Variants in BRAF observed in about 807,000 individuals in gnomAD.
BRAF encodes serine/threonine-protein kinase B-raf.
In BRAF, 16 loss-of-function variants were observed where a neutral mutation model predicts 104.6. The ratio of observed to expected loss-of-function variants is 0.15; its 90% CI spans 0.10 to 0.23. The LOEUF (loss-of-function observed/expected upper bound fraction) is 0.23. Among genes scored for constraint, BRAF ranks in the 10% least tolerant of loss-of-function variants. BRAF has a pLI of 1.00. For missense variants in BRAF, 541 were observed against 937.3 expected (o/e 0.58, Z 5.52); for synonymous variants, 310 against 341.6 (o/e 0.91, Z 1.02).
intron 1 of BRAF, among the ~76,000 whole-genome samples, chr7:140,922,508 G>A (rs1818335018): frequency 6.6e-6 from 1 of 152,180 alleles, no homozygotes; most frequent in South Asian, 2.1e-4. Flanking sequence ...AAGTTCCCAA[G>A]ATAAACAATT....
intron 1 of BRAF, among the ~76,000 whole-genome samples, chr7:140,855,448 CA>C (rs1011032049): frequency 3.3e-5 from 5 of 150,322 alleles, no homozygotes; most frequent in African/African-American, 1.2e-4. Flanking sequence ...ACTCCTTCTC[CA>C]AAAAAAAGAC....
At position 140,723,186 on chromosome 7, in the gene BRAF, G is replaced by A. The variant is rs1795403228; in HGVS notation, c.*3308C>T. 1 of 1,054,424 alleles carries A rather than the reference G, an allele frequency of 9.5e-7. No homozygotes were observed. Among genetic ancestry groups the A allele is most frequent in the Non-Finnish European group, 1.1e-6 (1 of 872,590 alleles). 65.3% of individuals were successfully genotyped at this position (1,054,424 alleles called of 1,614,324 possible). On this transcript the variant is annotated 3_prime_UTR_variant, in exon 20 of 20. Transcript: ENST00000644969. ...GTGGATGTACAGTGGGGACAGGTGA[G>A]ATCTGAGGAGGATGTGCAGCAGCTC...
In BRAF at chr7:140,754,320, C is replaced by T; in HGVS notation, c.1815-87G>A. ...CAGAACATACTTGGGGGTGTAAAGA[C>T]TTATTTAGAATCATGATACAACTGA... On this transcript the variant is annotated intron_variant, in intron 14 of 19. Coordinates refer to ENST00000644969, the MANE Select transcript of BRAF (RefSeq NM_001374258.1). 4 of 1,151,018 alleles carry T rather than the reference C, an allele frequency of 3.5e-6. No homozygotes were observed. The South Asian group carries it at 4.9e-5, about 14-fold the overall frequency. 71.3% of individuals were successfully genotyped at this position (1,151,018 alleles called of 1,614,324 possible). A position where few individuals can be genotyped will look rare whatever the true frequency, so the allele number is the denominator to read the frequency against.
chr7:140,847,615 C>G (rs1808712108), intron 2 of BRAF, among the ~76,000 whole-genome samples: 1 of 151,992 alleles, frequency 6.6e-6, no homozygotes, highest in African/African-American at 2.4e-5. Context: ...AATTGCTATT[C>G]CCCAAGGCCT....
downstream of BRAF, among the ~76,000 whole-genome samples, chr7:140,718,393 G>A (rs1398742664): frequency 6.6e-6 from 1 of 152,238 alleles, no homozygotes; most frequent in African/African-American, 2.4e-5. Flanking sequence ...TGGAATTACA[G>A]GCATGCGCCA....
At chr7:140,800,122 G>C (rs866882846) in intron 7 of BRAF, 16 of 566,850 alleles carry the variant, frequency 2.8e-5, no homozygotes, top group African/African-American at 5.6e-5. Flanking sequence ...CTGAAGAGCA[G>C]AAGTCAAATC....
At chr7:140,716,482 C>T (rs1251723166), downstream of BRAF, among the ~76,000 whole-genome samples, 1 of 152,154 alleles carries the variant, frequency 6.6e-6, no homozygotes, top group Non-Finnish European at 1.5e-5. Context: ...CCCTGGGATC[C>T]CAGTTTGATT....
intron 1 of BRAF, among the ~76,000 whole-genome samples, chr7:140,900,531 A>T (rs1815483221): frequency 6.6e-6 from 1 of 152,244 alleles, no homozygotes. Flanking sequence ...ACCCATATGT[A>T]AGAATATAAA....
In BRAF at chr7:140,746,738, A is replaced by C. The variant is rs558630010; in HGVS notation, c.2112+2549T>G. Among the ~76,000 whole-genome samples the C allele has an allele frequency of 2.0e-5, 3 of 152,008 alleles. No individual in the cohort carries two copies. In the East Asian group the frequency reaches 5.8e-4, roughly 29 times the overall value. On this transcript the variant is annotated intron_variant, in intron 17 of 19. Transcript: ENST00000644969. ...TCCCAGCTACTCGGGAGGCTGAGGC[A>C]GAAGAATCGCTAACATGGGAGGCAG... is the stretch of plus-strand genomic sequence containing the variant.
At chr7:140,758,255 T>G (rs1233059869) in intron 14 of BRAF, 1 of 152,182 alleles carries the variant, frequency 6.6e-6, no homozygotes, top group African/African-American at 2.4e-5. Flanking sequence ...ACAGCCTTCC[T>G]TATACTTTGA....
chr7:140,781,296 C>CTT (rs1800849261), intron 12 of BRAF: 1 of 430,566 alleles, frequency 2.3e-6, no homozygotes, highest in Admixed American at 3.6e-5. Flanking sequence ...AGCTGAAAGA[C>CTT]TCTAAAAGAA....
chr7:140,902,932 T>G (rs1272735864), intron 1 of BRAF, among the ~76,000 whole-genome samples: 1 of 151,034 alleles, frequency 6.6e-6, no homozygotes, highest in Non-Finnish European at 1.5e-5. Context: ...TTTTTTTTTT[T>G]TTTTTTTTTG....
intron 2 of BRAF, among the ~76,000 whole-genome samples, chr7:140,839,721 TTC>T (rs1386916014): frequency 2.0e-5 from 3 of 152,200 alleles, no homozygotes; most frequent in South Asian, 2.1e-4. Context: ...CAGAATGAGA[TTC>T]TGTTTCAAAA....
At chr7:140,813,888 TACACACACACAC>T (rs147877017) in intron 3 of BRAF, among the ~76,000 whole-genome samples, 3 of 147,376 alleles carry the variant, frequency 2.0e-5, no homozygotes, top group African/African-American at 7.5e-5. Context: ...GACGCATACA[TACACACACACAC>T]ACACACACAC....
chr7:140,800,869 G>A (rs1803029934), intron 6 of BRAF, among the ~76,000 whole-genome samples: 1 of 152,044 alleles, frequency 6.6e-6, no homozygotes, highest in Non-Finnish European at 1.5e-5. Flanking sequence ...CAGCACCAAT[G>A]ACACAAAAAG....
In BRAF at chr7:140,899,229, G is replaced by A. The variant is rs979644892; in HGVS notation, c.138+25337C>T. Among the ~76,000 whole-genome samples the A allele has an allele frequency of 1.4e-3, 13 of 9,120 alleles. 1 individual carries two copies. Among genetic ancestry groups the A allele is most frequent in the Admixed American group, 0.011 (8 of 724 alleles). The allele number at this position is 9,120 out of a possible 152,430, so 6.0% of individuals were successfully genotyped here. On this transcript the variant is annotated intron_variant, in intron 1 of 19. Coordinates refer to ENST00000644969, the MANE Select transcript of BRAF (RefSeq NM_001374258.1). ...CCCCCCCACCCCTCAGCCCACTCCC[G>A]GCAGGAACTTGTTAAAAATGCAAAG...
chr7:140,919,822 G>GTTTTTTTTTTTTTTTTTTTT (rs796957025), intron 1 of BRAF, among the ~76,000 whole-genome samples: 1 of 121,094 alleles, frequency 8.3e-6, no homozygotes, highest in African/African-American at 2.5e-5. Context: ...CTACAAGCAA[G>GTTTTTTTTTTTTTTTTTTTT]TTTTTTTGTT....
chr7:140,920,317 GA>G (rs1275753751), intron 1 of BRAF, among the ~76,000 whole-genome samples: 1 of 152,086 alleles, frequency 6.6e-6, no homozygotes, highest in African/African-American at 2.4e-5. Flanking sequence ...ATAATTGGGA[GA>G]AAAAGGGAAA....
chr7:140,804,796 C>T (rs1803490677), intron 5 of BRAF, among the ~76,000 whole-genome samples: 1 of 151,414 alleles, frequency 6.6e-6, no homozygotes, highest in African/African-American at 2.4e-5. Context: ...CATCAAAAGT[C>T]TACTTTTCTT....
Sources: gnomAD v4.1 joint callset for allele counts (sites outside exome capture counted in the v4.1 genomes callset) on GRCh38, gnomAD v4.1.1 for gene constraint, MANE v1.5 for transcripts, NCBI Gene and HGNC (gene_info 2026-07-23, HGNC 2026-07-21) for gene names.